Variants in ZNF81 observed in about 807,000 individuals in gnomAD.
The protein encoded by ZNF81 is zinc finger protein 81 (HFZ20).
In ZNF81, 5 loss-of-function variants were observed where a neutral mutation model predicts 32.3. The observed-to-expected ratio is 0.15, with a 90% CI of 0.08 to 0.33. The LOEUF (loss-of-function observed/expected upper bound fraction) is 0.33. Among genes scored for constraint, ZNF81 ranks in the 10% least tolerant of loss-of-function variants. The probability of loss-of-function intolerance (pLI) is 1.00; values close to 1 mark genes in which losing one functional copy is unlikely to be tolerated. For missense variants in ZNF81, 379 were observed against 479.8 expected (o/e 0.79, Z 1.96); for synonymous variants, 163 against 166.8 (o/e 0.98, Z 0.17).
At chrX:47,903,364 T>C (rs2058706038) in intron 4 of ZNF81, among the ~76,000 whole-genome samples, 2 of 104,913 alleles carry the variant, frequency 1.9e-5, no homozygotes, top group Admixed American at 2.1e-4. Flanking sequence ...CAGCAAAGTC[T>C]CAAGATACAA....
chrX:47,883,007 C>CA (rs1439103492), intron 2 of ZNF81, among the ~76,000 whole-genome samples: 6 of 112,285 alleles, frequency 5.3e-5, no homozygotes, highest in African/African-American at 1.9e-4. Flanking sequence ...AAAACAAAAA[C>CA]AAAAAAAGAA....
At chrX:47,876,826 T>C in intron 2 of ZNF81, among the ~76,000 whole-genome samples, 1 of 112,280 alleles carries the variant, frequency 8.9e-6, no homozygotes, top group East Asian at 2.8e-4. Flanking sequence ...TGTATTGACA[T>C]CTTACATATC....
intron 3 of ZNF81, among the ~76,000 whole-genome samples, chrX:47,888,366 G>T: frequency 9.2e-6 from 1 of 109,192 alleles, no homozygotes; most frequent in South Asian, 3.9e-4. Context: ...ACATACGCAC[G>T]CACACACACA....
intron 4 of ZNF81, among the ~76,000 whole-genome samples, chrX:47,903,071 G>C (rs1463048330): frequency 9.0e-6 from 1 of 110,623 alleles, no homozygotes; most frequent in African/African-American, 3.3e-5. Flanking sequence ...AAAATAATAA[G>C]AGCTATCTAT....
chrX:47,925,556 T>A lies in ZNF81; in HGVS notation c.*8924T>A, dbSNP rs1482230039. ...ATACCAGAATTTGTTTATCCATTCA[T>A]GTTTTGATGGAAATTTGTATTTCCA... On this transcript the variant is annotated 3_prime_UTR_variant, in exon 5 of 5. Transcript: ENST00000338637. 2.7e-5 allele frequency among the ~76,000 whole-genome samples: 3 copies of A among 112,426 alleles called. No homozygotes were observed. Among genetic ancestry groups the A allele is most frequent in the Non-Finnish European group, 3.8e-5 (2 of 53,234 alleles).
chrX:47,853,218 C>T (rs1440033740), intron 2 of ZNF81, among the ~76,000 whole-genome samples: 1 of 107,504 alleles, frequency 9.3e-6, no homozygotes, highest in Admixed American at 1.0e-4. Flanking sequence ...CGCTCTGTTA[C>T]CAGGCTGGAG....
In ZNF81 at chrX:47,918,369, GAGACC is replaced by G. The variant is rs1394160622; in HGVS notation, c.*1739_*1743del. 1 of 111,046 alleles carries G rather than the reference GAGACC, an allele frequency of 9.0e-6. No individual in the cohort carries two copies. Among genetic ancestry groups the G allele is most frequent in the Admixed American group, 9.6e-5 (1 of 10,433 alleles). 9.2% of individuals were successfully genotyped at this position (111,046 alleles called of 1,213,427 possible). On this transcript the variant is annotated 3_prime_UTR_variant, in exon 5 of 5. Transcript: ENST00000338637. ...GTGAAATAGTTCAGTTGGTGCTTAG[GAGACC>G]ATCTCAGCTAAACTTAAGGGCTTCT...
intron 4 of ZNF81, among the ~76,000 whole-genome samples, chrX:47,912,659 C>T (rs1342325879): frequency 9.1e-6 from 1 of 109,526 alleles, no homozygotes; most frequent in African/African-American, 3.3e-5. Context: ...ACACACATTA[C>T]TCCACCATCT....
intron 1 of ZNF81, chrX:47,840,938 A>G (rs782770925): frequency 1.0e-5 from 5 of 498,802 alleles, no homozygotes; most frequent in Non-Finnish European, 1.7e-5. Context: ...ATTGATACAA[A>G]TTTACTGCAG....
intron 2 of ZNF81, among the ~76,000 whole-genome samples, chrX:47,858,506 A>G (rs2058526322): frequency 1.8e-5 from 2 of 111,298 alleles, no homozygotes; most frequent in South Asian, 7.5e-4. Flanking sequence ...AGAATCCTTT[A>G]TTTTAGATTG....
chrX:47,862,637 G>T (rs1297215797), intron 2 of ZNF81, among the ~76,000 whole-genome samples: 1 of 112,005 alleles, frequency 8.9e-6, no homozygotes, highest in East Asian at 2.8e-4. Flanking sequence ...CAGCAGTCCA[G>T]GGACACAGGG....
rs781827041 is a variant in ZNF81 at position 47,923,903 on chromosome X, G to C, written c.*7271G>C. On this transcript the variant is annotated 3_prime_UTR_variant, in exon 5 of 5. Coordinates refer to ENST00000338637, the MANE Select transcript of ZNF81 (RefSeq NM_007137.5). ...TTTCCTATCTTCCACTCTATATCCA[G>C]CCCTTCTTTCCATCTTCCAGCCCTG... Among the ~76,000 whole-genome samples, 1 of 111,501 alleles carries C rather than the reference G, an allele frequency of 9.0e-6. No homozygotes were observed. The highest frequency in any genetic ancestry group is 2.8e-4 in the East Asian group (1 of 3,543).
chrX:47,841,701 A>G (rs1197293009), intron 1 of ZNF81: 2 of 650,613 alleles, frequency 3.1e-6, no homozygotes. Context: ...TTGCTCTGCC[A>G]TCTTTCTAGT....
chrX:47,857,370 T>C (rs188883607), intron 2 of ZNF81, among the ~76,000 whole-genome samples: 40 of 112,329 alleles, frequency 3.6e-4, no homozygotes, highest in Admixed American at 3.3e-3. Flanking sequence ...AAAATAAATA[T>C]TCCCTATGCA....
At chrX:47,910,905 C>A (rs183477773) in intron 4 of ZNF81, among the ~76,000 whole-genome samples, 1 of 110,814 alleles carries the variant, frequency 9.0e-6, no homozygotes, top group African/African-American at 3.3e-5. Flanking sequence ...CCTATTTTTT[C>A]TTTTTTAAAG....
At chrX:47,873,904 GC>G (rs368948773) in intron 2 of ZNF81, among the ~76,000 whole-genome samples, 41 of 111,647 alleles carry the variant, frequency 3.7e-4, no homozygotes, top group African/African-American at 1.3e-3. Context: ...TTGGCCTCAA[GC>G]AATCTGCCCA....
chrX:47,881,742 G>T (rs370162555), intron 2 of ZNF81, among the ~76,000 whole-genome samples: 1 of 110,380 alleles, frequency 9.1e-6, no homozygotes, highest in Non-Finnish European at 1.9e-5. Context: ...TGGGGCCCAC[G>T]GTGTACCCTG....
At chrX:47,848,388 C>T (rs2058479835) in intron 2 of ZNF81, among the ~76,000 whole-genome samples, 1 of 111,706 alleles carries the variant, frequency 9.0e-6, no homozygotes, top group Non-Finnish European at 1.9e-5. Context: ...TTTTGTTCCT[C>T]CTTCTAGTAG....
intron 2 of ZNF81, among the ~76,000 whole-genome samples, chrX:47,872,880 T>G (rs1196739645): frequency 8.9e-6 from 1 of 112,035 alleles, no homozygotes; most frequent in Admixed American, 9.5e-5. Context: ...TTTGGTAAGC[T>G]ATTTTTATTG....
Sources: gnomAD v4.1 joint callset for allele counts (sites outside exome capture counted in the v4.1 genomes callset) on GRCh38, gnomAD v4.1.1 for gene constraint, MANE v1.5 for transcripts, NCBI Gene and HGNC (gene_info 2026-07-23, HGNC 2026-07-21) for gene names.